TMEM178B: variants seen among roughly 807,000 people sequenced by gnomAD.
The protein encoded by TMEM178B is transmembrane protein 178B.
Under a neutral mutation model 31.0 loss-of-function variants are expected in TMEM178B, and 5 were observed. The ratio of observed to expected loss-of-function variants is 0.16; its 90% confidence interval spans 0.08 to 0.34. TMEM178B has a LOEUF of 0.34. TMEM178B is among the 10% of genes least tolerant of loss of function. The pLI is 1.00. For synonymous variants in TMEM178B, 164 were observed against 164.0 expected (o/e 1.00, Z 0.00); for missense variants, 275 against 400.3 (o/e 0.69, Z 2.67).
intron 1 of TMEM178B, among the ~76,000 whole-genome samples, chr7:141,129,567 C>A (rs571494840): frequency 2.0e-5 from 3 of 152,328 alleles, no homozygotes; most frequent in Admixed American, 2.0e-4. Flanking sequence ...TATAAACACT[C>A]TCTGACTTCT....
chr7:141,496,915 G>T, the TMEM178B span, among the ~76,000 whole-genome samples: 1 of 152,116 alleles, frequency 6.6e-6, no homozygotes, highest in Non-Finnish European at 1.5e-5. Flanking sequence ...TGGGGGTAAG[G>T]TGGTAGTGGT....
At chr7:141,092,950 G>A (rs1794903442) in intron 1 of TMEM178B, among the ~76,000 whole-genome samples, 3 of 152,136 alleles carry the variant, frequency 2.0e-5, no homozygotes, top group Admixed American at 2.0e-4. Context: ...TCAGAGAATG[G>A]TGGCATGTTA....
In TMEM178B at chr7:141,081,331, T is replaced by TA. The variant is rs543426194; in HGVS notation, c.382+6640dup. 9.2e-5 allele frequency among the ~76,000 whole-genome samples: 14 copies of TA among 152,152 alleles called. No homozygotes were observed. In the East Asian group the frequency reaches 1.7e-3, roughly 19 times the overall value. On this transcript the variant is annotated intron_variant, in intron 1 of 3. Transcript: ENST00000565468. Reference sequence around the variant, plus strand: ...AATTTTATAAACAGAAAAAAGCTTATAGGATAAGGATATAAAGAAAGAGCC... The same window carrying TA: ...AATTTTATAAACAGAAAAAAGCTTATAAGGATAAGGATATAAAGAAAGAGCC...
intron 1 of TMEM178B, among the ~76,000 whole-genome samples, chr7:141,177,421 T>C (rs1449291563): frequency 6.6e-6 from 1 of 152,198 alleles, no homozygotes; most frequent in East Asian, 1.9e-4. Context: ...GTATATTCTG[T>C]TGATTTGGGG....
At chr7:141,102,326 A>C (rs897449872) in intron 1 of TMEM178B, among the ~76,000 whole-genome samples, 2 of 152,212 alleles carry the variant, frequency 1.3e-5, no homozygotes, top group Non-Finnish European at 2.9e-5. Context: ...AAAGGTTTTT[A>C]TTCATAGGCT....
chr7:141,215,337 A>ATTATTTTTTTTTT (rs55726735), intron 2 of TMEM178B, among the ~76,000 whole-genome samples: 14 of 141,542 alleles, frequency 9.9e-5, no homozygotes, highest in East Asian at 6.2e-4. Flanking sequence ...TATTATTATT[A>ATTATTTTTTTTTT]TTTTTTGAGA....
At chr7:141,281,346 C>G (rs1047860912) in intron 2 of TMEM178B, among the ~76,000 whole-genome samples, 1 of 152,106 alleles carries the variant, frequency 6.6e-6, no homozygotes, top group African/African-American at 2.4e-5. Flanking sequence ...TCACAGAACA[C>G]CACTCACATG....
At chr7:141,091,947 C>T (rs1401888747) in intron 1 of TMEM178B, among the ~76,000 whole-genome samples, 2 of 152,122 alleles carry the variant, frequency 1.3e-5, no homozygotes, top group East Asian at 3.9e-4. Flanking sequence ...AGACTGGCCT[C>T]GAACTCCTGA....
At chr7:141,397,461 A>G (rs1378783710) in intron 2 of TMEM178B, among the ~76,000 whole-genome samples, 1 of 152,176 alleles carries the variant, frequency 6.6e-6, no homozygotes, top group Non-Finnish European at 1.5e-5. Flanking sequence ...ACCAGCCTCC[A>G]ACTTAGAATG....
intron 2 of TMEM178B, among the ~76,000 whole-genome samples, chr7:141,421,761 A>G (rs1801214521): frequency 6.6e-6 from 1 of 152,158 alleles, no homozygotes; most frequent in African/African-American, 2.4e-5. Flanking sequence ...CATCATCATC[A>G]TTATATCATT....
chr7:141,213,314 G>C (rs114369451), intron 2 of TMEM178B, among the ~76,000 whole-genome samples: 2,152 of 152,324 alleles, frequency 0.014, 48 homozygotes, highest in African/African-American at 0.049. Context: ...GGGATCCTCA[G>C]AGACTTAAAT....
intron 2 of TMEM178B, among the ~76,000 whole-genome samples, chr7:141,241,886 A>G (rs1797628324): frequency 6.6e-6 from 1 of 152,212 alleles, no homozygotes; most frequent in Non-Finnish European, 1.5e-5. Context: ...TGAATAATCA[A>G]TGTAAAATTT....
intron 1 of TMEM178B, among the ~76,000 whole-genome samples, chr7:141,150,892 A>G (rs1032624385): frequency 2.6e-5 from 4 of 152,258 alleles, no homozygotes; most frequent in Admixed American, 2.0e-4. Context: ...ATAATATGGA[A>G]GAAAAGAGCT....
intron 2 of TMEM178B, among the ~76,000 whole-genome samples, chr7:141,332,542 G>T (rs184181335): frequency 6.6e-6 from 1 of 152,150 alleles, no homozygotes; most frequent in East Asian, 1.9e-4. Flanking sequence ...CATTCCTCTA[G>T]CTCCCTCATC....
intron 2 of TMEM178B, among the ~76,000 whole-genome samples, chr7:141,262,474 AAT>A (rs10570183): frequency 0.088 from 11,567 of 131,544 alleles, 601 homozygotes; most frequent in East Asian, 0.15. Flanking sequence ...AAATACATAT[AAT>A]ATATATATAT....
At chr7:141,487,677 G>T in the TMEM178B span, among the ~76,000 whole-genome samples, 2 of 143,104 alleles carry the variant, frequency 1.4e-5, no homozygotes, top group African/African-American at 2.6e-5. Context: ...GGAGGCAGAG[G>T]TTGCAGTGAG....
intron 1 of TMEM178B, among the ~76,000 whole-genome samples, chr7:141,143,163 G>C (rs1296329769): frequency 6.6e-6 from 1 of 152,176 alleles, no homozygotes; most frequent in Non-Finnish European, 1.5e-5. Flanking sequence ...CTTCCATTCT[G>C]TAGGTTGTTT....
At chr7:141,109,594 G>C (rs1207780125) in intron 1 of TMEM178B, among the ~76,000 whole-genome samples, 3 of 151,838 alleles carry the variant, frequency 2.0e-5, no homozygotes, top group Non-Finnish European at 2.9e-5. Context: ...GCATTGCAAG[G>C]GGGGGACTGT....
rs56343433 is a variant in TMEM178B at position 141,258,161 on chromosome 7, CATATAT to C, written c.496+45474_496+45479del. On this transcript the variant is annotated intron_variant, in intron 2 of 3. Coordinates refer to ENST00000565468, the MANE Select transcript of TMEM178B (RefSeq NM_001195278.2). ...CTTCTCCTTTATGCTATTATTATCT[CATATAT>C]ATATATATATATATATGCATGTTAT... 6.2e-3 allele frequency among the ~76,000 whole-genome samples: 914 copies of C among 146,732 alleles called. 13 individuals are homozygous for C. The highest frequency in any genetic ancestry group is 0.021 in the African/African-American group (836 of 40,258).
Sources: gnomAD v4.1 joint callset for allele counts (sites outside exome capture counted in the v4.1 genomes callset) on GRCh38, gnomAD v4.1.1 for gene constraint, MANE v1.5 for transcripts, NCBI Gene and HGNC (gene_info 2026-07-23, HGNC 2026-07-21) for gene names.